BCAR1: variants seen among roughly 807,000 people sequenced by gnomAD.
BCAR1 encodes the protein breast cancer anti-estrogen resistance protein 1.
A neutral mutation model predicts 67.6 loss-of-function variants in BCAR1; 30 were observed. The ratio of observed to expected loss-of-function variants is 0.44; its 90% CI spans 0.33 to 0.60. BCAR1 has a LOEUF of 0.60. Among genes scored for constraint, BCAR1 ranks in the 20% least tolerant of loss-of-function variants. The probability of loss-of-function intolerance (pLI) is 0.02; values close to 1 mark genes in which losing one functional copy is unlikely to be tolerated. For synonymous variants in BCAR1, 626 were observed against 556.7 expected (o/e 1.12, Z -1.75); for missense variants, 1,313 against 1,222.3 (o/e 1.07, Z -1.11).
intron 6 of BCAR1, among the ~76,000 whole-genome samples, chr16:75,231,125 C>G (rs1280237495): frequency 7.3e-6 from 1 of 137,698 alleles, no homozygotes; most frequent in African/African-American, 2.7e-5. Flanking sequence ...TAAATGGAGT[C>G]TTGCTCTATC....
Position 75,229,194 on chromosome 16 carries a change from C to A in BCAR1, c.*317G>T, listed in dbSNP as rs531102613. ...CACGGCACCCTCGTGGGACCAGGCT[C>A]AGCCCTCGGGGTGGCACGAGGTCCT... On this transcript the variant is annotated 3_prime_UTR_variant, in exon 7 of 7. Transcript: ENST00000162330. The A allele has an allele frequency of 6.9e-4, 217 of 313,428 alleles. 1 individual carries two copies. The East Asian group carries it at 9.8e-3, about 14-fold the overall frequency. The allele number at this position is 313,428 out of a possible 1,614,324, so 19.4% of individuals were successfully genotyped here.
At chr16:75,232,779 T>C (rs2076945656) in intron 6 of BCAR1, among the ~76,000 whole-genome samples, 1 of 152,164 alleles carries the variant, frequency 6.6e-6, no homozygotes, top group African/African-American at 2.4e-5. Context: ...TCTTCCACTT[T>C]TCAGTGATTC....
At chr16:75,230,151 G>A in intron 6 of BCAR1, 128 bp from the exon 7 acceptor site, 3 of 1,154,518 alleles carry the variant, frequency 2.6e-6, no homozygotes, top group Non-Finnish European at 3.5e-6. Flanking sequence ...GGACTGCAGG[G>A]AAACGGGCAG....
At chr16:75,262,322 G>A (rs2077922083) in intron 1 of BCAR1, among the ~76,000 whole-genome samples, 1 of 152,226 alleles carries the variant, frequency 6.6e-6, no homozygotes, top group South Asian at 2.1e-4. Flanking sequence ...AGCGGGGCAA[G>A]CAGTCATGGG....
chr16:75,241,987 C>A (rs2077357036), intron 2 of BCAR1, among the ~76,000 whole-genome samples: 1 of 152,306 alleles, frequency 6.6e-6, no homozygotes, highest in East Asian at 1.9e-4. Flanking sequence ...ACCATACGCA[C>A]CCGCTGGCCC....
At chr16:75,263,886 A>G in intron 1 of BCAR1, 19 of 1,022,622 alleles carry the variant, frequency 1.9e-5, no homozygotes, top group Non-Finnish European at 2.2e-5. Context: ...GACTGTTCCA[A>G]AAATGAATTC....
chr16:75,243,716 C>T (rs2077428334), intron 1 of BCAR1, among the ~76,000 whole-genome samples: 1 of 152,214 alleles, frequency 6.6e-6, no homozygotes, highest in African/African-American at 2.4e-5. Flanking sequence ...GGTACGTGCT[C>T]CATGTGGCCC....
Position 75,234,874 on chromosome 16 carries a change from G to A in BCAR1, c.2010+15C>T, listed in dbSNP as rs1400143301. 5.9e-6 allele frequency: 9 copies of A among 1,521,308 alleles called. No homozygotes were observed. The highest frequency in any genetic ancestry group is 1.8e-6 in the Non-Finnish European group (2 of 1,133,066). The allele number at this position is 1,521,308 out of a possible 1,614,324, so 94.2% of individuals were successfully genotyped here. ...GTGGCAGAAGAGGAGCCGGGGCTGG[G>A]CAGGCGGCACCCACCTGTAGGTGGA... On this transcript the variant is annotated intron_variant, in intron 5 of 6. Coordinates refer to ENST00000162330, the MANE Select transcript of BCAR1 (RefSeq NM_014567.5).
intron 1 of BCAR1, 119 bp downstream of exon 1, chr16:75,251,352 C>A: frequency 1.5e-6 from 2 of 1,362,254 alleles, no homozygotes; most frequent in Non-Finnish European, 1.9e-6. Flanking sequence ...GGGCCGCGGA[C>A]CCCGGCCGGC....
chr16:75,254,408 T>C (rs766177744), upstream of BCAR1, among the ~76,000 whole-genome samples: 2 of 151,984 alleles, frequency 1.3e-5, no homozygotes, highest in Non-Finnish European at 2.9e-5. Context: ...TTTAGCCCCA[T>C]TGGTGAGAAG....
chr16:75,236,763 G>A, intron 4 of BCAR1, 119 bp downstream of exon 4: 1 of 1,425,282 alleles, frequency 7.0e-7, no homozygotes, highest in Non-Finnish European at 9.2e-7. Flanking sequence ...AGGGTCTGGA[G>A]CCAGTCTCTT....
chr16:75,254,219 G>A (rs1344621324), upstream of BCAR1, among the ~76,000 whole-genome samples: 1 of 152,124 alleles, frequency 6.6e-6, no homozygotes, highest in Non-Finnish European at 1.5e-5. Context: ...CTAGACCTCA[G>A]CCCACCCTGC....
chr16:75,258,626 G>T (rs776602925), intron 1 of BCAR1, among the ~76,000 whole-genome samples: 5 of 152,198 alleles, frequency 3.3e-5, no homozygotes, highest in Non-Finnish European at 7.3e-5. Flanking sequence ...CTCTGCGGAG[G>T]TGACATTTGA....
chr16:75,236,075 C>CAG, intron 4 of BCAR1, 89 bp from the exon 5 acceptor site: 38 of 1,453,276 alleles, frequency 2.6e-5, no homozygotes, highest in Non-Finnish European at 3.4e-5. Context: ...CACACACACA[C>CAG]ACGTACACAC....
intron 2 of BCAR1, chr16:75,238,174 C>T: frequency 8.0e-7 from 1 of 1,256,130 alleles, no homozygotes; most frequent in South Asian, 1.3e-5. Flanking sequence ...GGCCACAGGA[C>T]CCCTCACCAG....
chr16:75,239,558 G>A (rs1303620876), intron 2 of BCAR1, among the ~76,000 whole-genome samples: 1 of 152,178 alleles, frequency 6.6e-6, no homozygotes, highest in Non-Finnish European at 1.5e-5. Context: ...GAGCTCAGTG[G>A]CTGGTCTCCC....
chr16:75,238,068 C>T (rs2151422462), intron 2 of BCAR1: 1 of 1,289,060 alleles, frequency 7.8e-7, no homozygotes, highest in Non-Finnish European at 1.0e-6. Context: ...AGGGCCAGCC[C>T]TCCCCTCCCC....
intron 5 of BCAR1, 88 bp downstream of exon 5, chr16:75,234,801 C>T: frequency 1.3e-6 from 2 of 1,496,666 alleles, no homozygotes; most frequent in Non-Finnish European, 1.8e-6. Flanking sequence ...TTGCCAGGGA[C>T]CAGGCCCCAG....
chr16:75,254,695 C>T (rs1055251028), upstream of BCAR1, among the ~76,000 whole-genome samples: 3 of 152,208 alleles, frequency 2.0e-5, no homozygotes, highest in East Asian at 5.8e-4. Flanking sequence ...GTGGCCGGGG[C>T]ACCAGCACAG....
Sources: allele counts gnomAD v4.1 joint callset (sites outside exome capture counted in the v4.1 genomes callset), GRCh38; gene constraint gnomAD v4.1.1; transcripts MANE v1.5; gene names NCBI Gene and HGNC (gene_info 2026-07-23, HGNC 2026-07-21).